Variants in CUX1 observed in about 807,000 individuals in gnomAD.
CUX1 encodes cut like homeobox 1, also known as protein CASP.
A neutral mutation model predicts 158.8 loss-of-function variants in CUX1; 31 were observed. That is an observed-to-expected ratio of 0.20 (90% CI 0.15 to 0.26). The LOEUF is 0.26. Ranked by LOEUF, CUX1 falls within the 10% of genes least tolerant of loss-of-function variation. The pLI is 1.00. For synonymous variants in CUX1, 879 were observed against 862.1 expected (o/e 1.02, Z -0.34); for missense variants, 1,589 against 2,014.6 (o/e 0.79, Z 4.04).
chr7:102,027,703 A>C (rs1374603190), intron 2 of CUX1, among the ~76,000 whole-genome samples: 1 of 152,156 alleles, frequency 6.6e-6, no homozygotes, highest in African/African-American at 2.4e-5. Context: ...TCTACAAAAA[A>C]ATACAAAAAT....
At chr7:102,172,587 G>A (rs1274941987) in intron 10 of CUX1, among the ~76,000 whole-genome samples, 1 of 152,126 alleles carries the variant, frequency 6.6e-6, no homozygotes, top group Non-Finnish European at 1.5e-5. Context: ...AAACCTCCAT[G>A]AATGTAAACA....
intron 20 of CUX1, 149 bp from the exon 21 acceptor site, chr7:102,227,218 A>G (rs995004351): frequency 1.3e-5 from 9 of 690,034 alleles, no homozygotes; most frequent in Admixed American, 1.2e-4. Flanking sequence ...TCAAAAAAAT[A>G]TGAAACAGTT....
chr7:102,131,225 A>AT (rs1221878655), intron 8 of CUX1, among the ~76,000 whole-genome samples: 2 of 151,892 alleles, frequency 1.3e-5, no homozygotes, highest in African/African-American at 4.8e-5. Context: ...TTTCCGATCG[A>AT]TTTTTCCAAT....
At chr7:101,892,079 T>A (rs1352985498) in intron 1 of CUX1, among the ~76,000 whole-genome samples, 1 of 152,226 alleles carries the variant, frequency 6.6e-6, no homozygotes, top group Non-Finnish European at 1.5e-5. Flanking sequence ...ATGAATCAGA[T>A]CTAGGAGCAT....
In CUX1 at chr7:101,817,879, A is replaced by C. The variant is rs528013653; in HGVS notation, c.30+210A>C. On this transcript the variant is annotated intron_variant, in intron 1 of 23. Transcript: ENST00000292535. This position sits in a 1 kb window ranked among gnomAD's most constrained non-coding sequence, Gnocchi z 4.1. Reference sequence around the variant, plus strand: ...AAGATAAACTTGGCTGAACTTTCCTAACCTGGAGGACTGGTGACAGTGACC... The same window carrying C: ...AAGATAAACTTGGCTGAACTTTCCTCACCTGGAGGACTGGTGACAGTGACC... Among the ~76,000 whole-genome samples the C allele has an allele frequency of 6.2e-4, 94 of 152,290 alleles. No homozygotes were observed. Among genetic ancestry groups the C allele is most frequent in the African/African-American group, 2.2e-3 (91 of 41,560 alleles).
chr7:102,115,093 C>A, intron 7 of CUX1, 114 bp from the exon 8 acceptor site: 2 of 849,876 alleles, frequency 2.4e-6, no homozygotes, highest in Non-Finnish European at 3.7e-6. Flanking sequence ...TTTATTTTTC[C>A]ACGCACCTCG....
intron 2 of CUX1, among the ~76,000 whole-genome samples, chr7:101,929,751 A>G (rs1325726579): frequency 2.6e-5 from 4 of 152,126 alleles, no homozygotes; most frequent in African/African-American, 9.7e-5. Context: ...CCACCCACCC[A>G]CCTACCAGGA....
intron 4 of CUX1, among the ~76,000 whole-genome samples, chr7:102,080,721 T>A (rs1269756734): frequency 1.3e-5 from 2 of 152,132 alleles, no homozygotes; most frequent in Non-Finnish European, 2.9e-5. Flanking sequence ...CCTCTGCAGC[T>A]CTTCTGAGAT....
intron 1 of CUX1, among the ~76,000 whole-genome samples, chr7:101,860,735 CCCTTCCTTCCTTCCTTCCTT>C (rs1300604785): frequency 3.4e-4 from 31 of 90,514 alleles, no homozygotes; most frequent in East Asian, 6.4e-4. Flanking sequence ...TCCCCTTCCT[CCCTTCCTTCCTTCCTTCCTT>C]CCTTCCTTCC....
At chr7:102,115,579 A>G (rs1176370050) in intron 8 of CUX1, 1 of 281,640 alleles carries the variant, frequency 3.6e-6, no homozygotes, top group Admixed American at 5.3e-5. Flanking sequence ...AGTCTGGGTA[A>G]ATCACATGTC....
chr7:101,890,992 T>G (rs1053909443), intron 1 of CUX1, among the ~76,000 whole-genome samples: 7 of 152,154 alleles, frequency 4.6e-5, no homozygotes, highest in Non-Finnish European at 7.3e-5. Flanking sequence ...GCAGGATTTT[T>G]TTTTTGAGCG....
chr7:102,115,317 A>C, intron 8 of CUX1, 44 bp downstream of exon 8: 1 of 1,569,580 alleles, frequency 6.4e-7, no homozygotes, highest in Non-Finnish European at 8.7e-7. Flanking sequence ...CACATTTCTC[A>C]CCTGATTTTG....
chr7:101,880,270 G>T (rs139780697), intron 1 of CUX1, among the ~76,000 whole-genome samples: 1 of 152,286 alleles, frequency 6.6e-6, no homozygotes, highest in East Asian at 1.9e-4. Context: ...GTTCACTGTG[G>T]ATTAAAGCTC....
chr7:102,142,085 T>A (rs1834531479), intron 8 of CUX1, among the ~76,000 whole-genome samples: 1 of 152,182 alleles, frequency 6.6e-6, no homozygotes, highest in South Asian at 2.1e-4. Flanking sequence ...TGCGCCGCCC[T>A]GCACCTCAGT....
At chr7:101,865,073 C>A (rs943153721) in intron 1 of CUX1, among the ~76,000 whole-genome samples, 1 of 152,104 alleles carries the variant, frequency 6.6e-6, no homozygotes, top group Non-Finnish European at 1.5e-5. Context: ...CACAAAGATA[C>A]CAAAACCCAG....
In CUX1 at chr7:102,254,522, C is replaced by T. The variant is rs376594341; in HGVS notation, c.*5480C>T. 3.1e-4 allele frequency: 309 copies of T among 985,546 alleles called. 3 individuals are homozygous for T. The South Asian group carries it at 0.012, about 40-fold the overall frequency. The allele number at this position is 985,546 out of a possible 1,614,324, so 61.1% of individuals were successfully genotyped here. The stretch of plus-strand genomic sequence containing the variant: ...ATCCAGCACCGAAGAAAATCAGCTC[C>T]TGGGGCTGGTGGTTGGAGGTGGGTC... On this transcript the variant is annotated 3_prime_UTR_variant, in exon 24 of 24. Coordinates refer to ENST00000292535, the MANE Select transcript of CUX1 (RefSeq NM_181552.4).
intron 2 of CUX1, among the ~76,000 whole-genome samples, chr7:102,014,031 G>A (rs768062660): frequency 2.6e-5 from 4 of 152,076 alleles, no homozygotes; most frequent in Non-Finnish European, 5.9e-5. Flanking sequence ...CTGTTATTGA[G>A]TAAGGTGCAA....
intron 9 of CUX1, among the ~76,000 whole-genome samples, chr7:102,159,664 C>G (rs1790211472): frequency 6.6e-6 from 1 of 151,994 alleles, no homozygotes; most frequent in Admixed American, 6.6e-5. Flanking sequence ...AGTTTGAGAC[C>G]AGCCTGGCCA....
intron 14 of CUX1, among the ~76,000 whole-genome samples, chr7:102,271,332 A>G (rs1202921956): frequency 6.6e-6 from 1 of 152,124 alleles, no homozygotes; most frequent in Non-Finnish European, 1.5e-5. Context: ...AAACTGAAGC[A>G]TCCCCTCCCT....
Sources: allele counts gnomAD v4.1 joint callset (sites outside exome capture counted in the v4.1 genomes callset), GRCh38; gene constraint gnomAD v4.1.1; non-coding constraint Gnocchi (gnomAD v3.1); transcripts MANE v1.5; gene names NCBI Gene and HGNC (gene_info 2026-07-23, HGNC 2026-07-21).